TPO: variants seen among roughly 807,000 people sequenced by gnomAD.
TPO encodes thyroid microsomal antigen.
In TPO, 78 loss-of-function variants were observed where a neutral mutation model predicts 96.9. The ratio of observed to expected loss-of-function variants is 0.81; its 90% confidence interval spans 0.67 to 0.97. TPO has a LOEUF of 0.97. TPO is among the 50% of genes least tolerant of loss of function. TPO has a pLI of 0.00. For synonymous variants in TPO, 547 were observed against 538.0 expected, an observed-to-expected ratio of 1.02 and a Z score of -0.23; for missense variants, 1,252 against 1,274.8, an observed-to-expected ratio of 0.98 and a Z score of 0.27.
At chr2:1,436,548 G>T (rs28909387) in intron 5 of TPO, among the ~76,000 whole-genome samples, 164 bp downstream of exon 5, 1 of 152,116 alleles carries the variant, frequency 6.6e-6, no homozygotes, top group Non-Finnish European at 1.5e-5. Context: ...CATGCCTGGT[G>T]GTGCCTCAAG....
At chr2:1,476,599 G>T (rs1166665426) in intron 7 of TPO, among the ~76,000 whole-genome samples, 1 of 152,206 alleles carries the variant, frequency 6.6e-6, no homozygotes, top group African/African-American at 2.4e-5. Flanking sequence ...CAGCTCTTCC[G>T]AAAGTCAGAA....
At chr2:1,409,933 G>T (rs1238521925), upstream of TPO, among the ~76,000 whole-genome samples, 1 of 145,824 alleles carries the variant, frequency 6.9e-6, no homozygotes, top group Admixed American at 7.1e-5. Flanking sequence ...GACACCTAGG[G>T]TTACGGGGCA....
chr2:1,419,733 G>A (rs958104595), intron 2 of TPO, among the ~76,000 whole-genome samples: 2 of 152,188 alleles, frequency 1.3e-5, no homozygotes, highest in African/African-American at 4.8e-5. Context: ...GAAAATGATT[G>A]TTCTTTTGCT....
chr2:1,487,936 C>A lies in TPO; in HGVS notation c.1713C>A (p.Ser571Arg). Reference protein sequence around the residue: ...TERLFVLSNSSTLDLASINLQ... With the variant: ...TERLFVLSNSRTLDLASINLQ... ...GGCTCTTTGTGCTGTCCAATTCCAG[C>A]ACCTTGGATCTGGCGTCCATCAACC... is the stretch of plus-strand genomic sequence containing the variant. Residue 571 changes from serine to arginine, a missense_variant, in exon 10 of 17, where the codon AGC becomes AGA. Transcript: ENST00000329066. The A allele has an allele frequency of 6.2e-7, 1 of 1,614,130 alleles. No individual in the cohort carries two copies. The highest frequency in any genetic ancestry group is 8.5e-7 in the Non-Finnish European group (1 of 1,180,040).
chr2:1,424,954 CTCCCTCTATAA>C (rs1664178489), intron 3 of TPO, among the ~76,000 whole-genome samples: 3 of 51,778 alleles, frequency 5.8e-5, no homozygotes, highest in African/African-American at 1.5e-4. Context: ...GAAGTCCATG[CTCCCTCTATAA>C]AGTCATTGTT....
intron 9 of TPO, among the ~76,000 whole-genome samples, chr2:1,486,836 G>C (rs979371373): frequency 1.3e-5 from 2 of 152,152 alleles, no homozygotes; most frequent in South Asian, 2.1e-4. Context: ...AGTGCGTCCG[G>C]CGATACCTGC....
intron 3 of TPO, among the ~76,000 whole-genome samples, chr2:1,430,740 T>A (rs976309046): frequency 1.3e-5 from 2 of 152,234 alleles, no homozygotes; most frequent in Non-Finnish European, 2.9e-5. Flanking sequence ...CAAAGGAGAT[T>A]GTTTCAGAGC....
chr2:1,541,749 T>TTAAAACATAAATATATGCAGTTAG (rs1235762387), intron 16 of TPO: 1 of 152,696 alleles, frequency 6.5e-6, no homozygotes, highest in Non-Finnish European at 1.5e-5. Flanking sequence ...AAAACCATGT[T>TTAAAACATAAATATATGCAGTTAG]TAAAACATAA....
chr2:1,418,203 G>A (rs1417209407), intron 2 of TPO, among the ~76,000 whole-genome samples: 1 of 151,306 alleles, frequency 6.6e-6, no homozygotes, highest in Non-Finnish European at 1.5e-5. Flanking sequence ...ACGAGAATCA[G>A]TTGAACCCAG....
intron 8 of TPO, among the ~76,000 whole-genome samples, chr2:1,481,721 A>G (rs1670658532): frequency 6.6e-6 from 1 of 152,244 alleles, no homozygotes; most frequent in Admixed American, 6.5e-5. Flanking sequence ...AAGGCTGGAA[A>G]GAAAGAGAAA....
At chr2:1,418,153 G>T (rs1305467528) in intron 2 of TPO, among the ~76,000 whole-genome samples, 4 of 152,148 alleles carry the variant, frequency 2.6e-5, no homozygotes, top group African/African-American at 9.7e-5. Context: ...TGGGCGTGGT[G>T]GTGCCCACCT....
intron 8 of TPO, 129 bp from the exon 9 acceptor site, chr2:1,484,465 GCC>G (rs1670932475): frequency 1.7e-6 from 2 of 1,159,612 alleles, no homozygotes; most frequent in Non-Finnish European, 2.5e-6. Context: ...TTCAGCTGAG[GCC>G]CTTATTACAA....
rs528681585 is a variant in TPO, at chr2:1,517,168, TAATG to T, written c.2618+189_2618+192del. Among the ~76,000 whole-genome samples the T allele has an allele frequency of 2.5e-4, 38 of 152,322 alleles. No homozygotes were observed. In the South Asian group the frequency reaches 2.9e-3, roughly 12 times the overall value. On this transcript the variant is annotated intron_variant, in intron 15 of 16. Transcript: ENST00000329066. The stretch of plus-strand genomic sequence containing the variant: ...TCCGGATCTTTCATTATGCTTTAAA[TAATG>T]AAAGTGGAGTGATCATTTGTACACC...
At chr2:1,541,784 C>CTAAAAATACAAATTT (rs1680799315) in intron 16 of TPO, 2 of 153,340 alleles carry the variant, frequency 1.3e-5, no homozygotes, top group South Asian at 2.1e-4. Flanking sequence ...TATTTGTCAA[C>CTAAAAATACAAATTT]TAAAAATACA....
chr2:1,422,464 TC>T (rs1314092818), intron 2 of TPO, among the ~76,000 whole-genome samples: 16 of 79,474 alleles, frequency 2.0e-4, no homozygotes, highest in Admixed American at 1.3e-4. Flanking sequence ...GCCAATTCAT[TC>T]CTTTGGTGAA....
intron 3 of TPO, among the ~76,000 whole-genome samples, chr2:1,430,870 G>T (rs1664908858): frequency 6.6e-6 from 1 of 152,340 alleles, no homozygotes; most frequent in East Asian, 1.9e-4. Flanking sequence ...TGCCCCCATT[G>T]TATCTTGGAA....
At chr2:1,395,541 T>A (rs1169918261) in intron 1 of TPO, among the ~76,000 whole-genome samples, 1 of 152,164 alleles carries the variant, frequency 6.6e-6, no homozygotes, top group Non-Finnish European at 1.5e-5. Flanking sequence ...TTATGTATAA[T>A]AAAATAAAAA....
intron 14 of TPO, among the ~76,000 whole-genome samples, chr2:1,505,675 T>C (rs1049550804): frequency 2.5e-4 from 38 of 152,174 alleles, no homozygotes; most frequent in African/African-American, 8.9e-4. Context: ...TACATAGGTA[T>C]ACGTGTGCCA....
intron 8 of TPO, among the ~76,000 whole-genome samples, chr2:1,479,757 GTCC>G (rs1207715244): frequency 3.4e-5 from 5 of 148,032 alleles, no homozygotes; most frequent in African/African-American, 1.2e-4. Context: ...CCTCCTCCTC[GTCC>G]TCCTCCTCCT....
Sources: gnomAD v4.1 joint callset for allele counts (sites outside exome capture counted in the v4.1 genomes callset) on GRCh38, gnomAD v4.1.1 for gene constraint, MANE v1.5 for transcripts, NCBI Gene and HGNC (gene_info 2026-07-23, HGNC 2026-07-21) for gene names.